MTMR14: variants seen among roughly 807,000 people sequenced by gnomAD.
The protein encoded by MTMR14 is phosphatidylinositol-3,5-bisphosphate 3-phosphatase MTMR14.
Under a neutral mutation model 86.3 loss-of-function variants are expected in MTMR14, and 48 were observed. The ratio of observed to expected loss-of-function variants is 0.56; its 90% CI spans 0.44 to 0.71. The LOEUF (loss-of-function observed/expected upper bound fraction) is 0.71. Among genes scored for constraint, MTMR14 ranks in the 30% least tolerant of loss-of-function variants. MTMR14 has a pLI of 0.00. For missense variants in MTMR14, 780 were observed against 834.6 expected (o/e 0.93, Z 0.81); for synonymous variants, 366 against 326.1 (o/e 1.12, Z -1.32).
chr3:9,701,816 C>T lies in MTMR14; in HGVS notation c.1796C>T (p.Thr599Ile). The T allele has an allele frequency of 6.2e-7, 1 of 1,613,844 alleles. No homozygotes were observed. Among genetic ancestry groups the T allele is most frequent in the Non-Finnish European group, 8.5e-7 (1 of 1,180,046 alleles). ...CLLAALSDRE[T>I]RLQEVRSAFL... ...CTTGCAGCCCTGAGTGATCGAGAGA[C>T]TCGGCTGCAGGAGGTGCGCTCAGCC... is the stretch of plus-strand genomic sequence containing the variant. Residue 599 changes from threonine (T) to isoleucine (I), a missense_variant, in exon 19 of 19, where the codon ACT (threonine) becomes ATT (isoleucine). Physicochemically the swap from Thr to Ile is moderately conservative, Grantham distance 89. Coordinates refer to ENST00000296003, the MANE Select transcript of MTMR14 (RefSeq NM_001077525.3). The surrounding 1 kb of genome is among the most constrained non-coding windows in gnomAD (Gnocchi z 4.2).
chr3:9,675,683 T>C (rs1304835057), intron 7 of MTMR14: 1 of 457,386 alleles, frequency 2.2e-6, no homozygotes, highest in Non-Finnish European at 4.4e-6. Flanking sequence ...TAATGAACAT[T>C]AGGCATTTGC....
chr3:9,671,925 TC>T (rs2048586303), intron 6 of MTMR14, among the ~76,000 whole-genome samples: 1 of 152,320 alleles, frequency 6.6e-6, no homozygotes, highest in Non-Finnish European at 1.5e-5. Context: ...TATCTTCAGA[TC>T]TGAATATTGC....
chr3:9,663,210 T>C (rs1328776765), intron 3 of MTMR14, among the ~76,000 whole-genome samples: 8 of 151,962 alleles, frequency 5.3e-5, no homozygotes, highest in African/African-American at 1.5e-4. Context: ...CGGAATTCAG[T>C]CTATTCATTC....
intron 13 of MTMR14, among the ~76,000 whole-genome samples, chr3:9,687,025 C>T (rs532176672): frequency 2.0e-5 from 3 of 152,220 alleles, no homozygotes; most frequent in Non-Finnish European, 2.9e-5. Flanking sequence ...TGCCCACACC[C>T]GCAGTTCTGA....
At chr3:9,657,854 C>G (rs2047702193) in intron 2 of MTMR14, among the ~76,000 whole-genome samples, 1 of 152,162 alleles carries the variant, frequency 6.6e-6, no homozygotes, top group South Asian at 2.1e-4. Flanking sequence ...TGGCCCTCAC[C>G]ACTCTTTTAT....
intron 6 of MTMR14, 30 bp from the exon 7 acceptor site, chr3:9,672,655 A>G: frequency 3.2e-6 from 5 of 1,583,906 alleles, no homozygotes; most frequent in Non-Finnish European, 4.3e-6. Flanking sequence ...GTGTTGCGAC[A>G]CTGTAACACA....
Position 9,671,105 on chromosome 3 carries a change from A to T in MTMR14, c.612A>T (p.Arg204=), listed in dbSNP as rs769711970. Reference sequence around the variant, plus strand: ...GAGGCTATGACATCAAGCTGCTTCGATACCTGTCAGTCAAATACATCTGTG... The same window carrying T: ...GAGGCTATGACATCAAGCTGCTTCGTTACCTGTCAGTCAAATACATCTGTG... ...KVRGYDIKLL[R]YLSVKYICDL... Residue 204 remains arginine (R), a synonymous_variant, in exon 6 of 19, where the codon CGA becomes CGT. Coordinates refer to ENST00000296003, the MANE Select transcript of MTMR14 (RefSeq NM_001077525.3). 2.5e-6 allele frequency: 4 copies of T among 1,614,224 alleles called. No individual in the cohort carries two copies. The Admixed American group carries it at 5.0e-5, about 20-fold the overall frequency.
intron 12 of MTMR14, 21 bp from the exon 13 acceptor site, chr3:9,685,188 CCT>C (rs2075897736): frequency 6.2e-7 from 1 of 1,614,012 alleles, no homozygotes; most frequent in African/African-American, 1.3e-5. Context: ...GCTGACTTTG[CCT>C]CTCTACCCTC....
chr3:9,655,571 C>T (rs2047552343), intron 2 of MTMR14, among the ~76,000 whole-genome samples: 3 of 146,060 alleles, frequency 2.1e-5, no homozygotes, highest in African/African-American at 7.6e-5. Flanking sequence ...AGCAATTCTC[C>T]TGCCTCAGCC....
Position 9,688,474 on chromosome 3 carries a change from A to T in MTMR14, c.1236-222A>T, listed in dbSNP as rs113247241. On this transcript the variant is annotated intron_variant, in intron 14 of 18. Coordinates refer to ENST00000296003, the MANE Select transcript of MTMR14 (RefSeq NM_001077525.3). The stretch of plus-strand genomic sequence containing the variant: ...GCACAAGCTGATGAGGAGGATGCAG[A>T]CCTTGCTGCCCTCAGAAATCTTCAC... Among the ~76,000 whole-genome samples the T allele has an allele frequency of 8.8e-3, 1,339 of 152,284 alleles. 17 individuals are homozygous for T. Among genetic ancestry groups the T allele is most frequent in the African/African-American group, 0.03 (1,245 of 41,550 alleles).
chr3:9,701,426 C>T lies in MTMR14; in HGVS notation c.1770-364C>T, dbSNP rs2076452630. 20 of 322,496 alleles carry T rather than the reference C, an allele frequency of 6.2e-5. No homozygotes were observed. The highest frequency in any genetic ancestry group is 5.5e-4 in the South Asian group (20 of 36,416). 20.0% of individuals were successfully genotyped at this position (322,496 alleles called of 1,614,324 possible). ...TGGCATGTGCCTGTAGTCCCAGCTA[C>T]TTGAGGGGCTGAGGTGGGAGGATGG... On this transcript the variant is annotated intron_variant, in intron 18 of 18. Coordinates refer to ENST00000296003, the MANE Select transcript of MTMR14 (RefSeq NM_001077525.3). This position sits in a 1 kb window ranked among gnomAD's most constrained non-coding sequence, Gnocchi z 4.2.
At chr3:9,660,161 T>C (rs2047840719) in intron 2 of MTMR14, among the ~76,000 whole-genome samples, 1 of 152,132 alleles carries the variant, frequency 6.6e-6, no homozygotes, top group Admixed American at 6.5e-5. Context: ...TTTGATTTCA[T>C]AGAGAAACTG....
At chr3:9,700,042 G>C (rs1036271846) in intron 18 of MTMR14, 1 of 152,252 alleles carries the variant, frequency 6.6e-6, no homozygotes, top group African/African-American at 2.4e-5. Flanking sequence ...CTTTGCCCCA[G>C]AGCCTACTGC....
chr3:9,683,243 T>C lies in MTMR14; in HGVS notation c.963T>C (p.Asp321=). 1 of 1,614,174 alleles carries C rather than the reference T, an allele frequency of 6.2e-7. No individual in the cohort carries two copies. Among genetic ancestry groups the C allele is most frequent in the Non-Finnish European group, 8.5e-7 (1 of 1,179,988 alleles). The change falls in exon 10 of 19, where the codon GAT becomes GAC. Residue 321 remains aspartate, a splice_region_variant and synonymous_variant. Transcript: ENST00000296003. The part of the protein sequence containing the change: ...LKLLLSLVNS[D]DDSGLLVHCI... ...TGCTGCTTTCCTTAGTTAACAGTGA[T>C]GGTGAGTCTGTCTCCTCCAGAGCCC...
chr3:9,649,807 G>A, intron 1 of MTMR14, 65 bp downstream of exon 1: 1 of 1,596,696 alleles, frequency 6.3e-7, no homozygotes, highest in Non-Finnish European at 8.5e-7. Context: ...AGGAAAGGCT[G>A]AGGCCAGGGG....
chr3:9,656,110 A>T (rs1185643369), intron 2 of MTMR14, among the ~76,000 whole-genome samples: 2 of 151,902 alleles, frequency 1.3e-5, no homozygotes, highest in Non-Finnish European at 2.9e-5. Flanking sequence ...CAGGAGAATC[A>T]CTTGAACCCA....
intron 1 of MTMR14, 32 bp downstream of exon 1, chr3:9,649,774 G>A: frequency 1.2e-6 from 2 of 1,611,860 alleles, no homozygotes; most frequent in Non-Finnish European, 1.7e-6. Context: ...GCTGGGGAAG[G>A]CTCCTAACTT....
At chr3:9,653,486 C>T in intron 1 of MTMR14, 135 bp from the exon 2 acceptor site, 3 of 1,118,300 alleles carry the variant, frequency 2.7e-6, no homozygotes, top group Non-Finnish European at 4.0e-6. Flanking sequence ...GGCCTAGCAT[C>T]ACATCTTCCC....
chr3:9,653,336 G>C (rs537674052), intron 1 of MTMR14, among the ~76,000 whole-genome samples: 37 of 152,316 alleles, frequency 2.4e-4, no homozygotes, highest in African/African-American at 8.2e-4. Flanking sequence ...ATGGGTTGTA[G>C]ACCTCTTTGA....
Sources: allele counts gnomAD v4.1 joint callset (sites outside exome capture counted in the v4.1 genomes callset), GRCh38; gene constraint gnomAD v4.1.1; non-coding constraint Gnocchi (gnomAD v3.1); transcripts MANE v1.5; gene names NCBI Gene and HGNC (gene_info 2026-07-23, HGNC 2026-07-21).